AFF3: variants seen among roughly 807,000 people sequenced by gnomAD.
The protein encoded by AFF3 is AF4/FMR2 family member 3.
AFF3 carries 32 observed loss-of-function variants against 129.7 expected under a neutral mutation model. The observed-to-expected ratio is 0.25, with a 90% CI of 0.19 to 0.33. The LOEUF (loss-of-function observed/expected upper bound fraction) is 0.33. AFF3 is among the 10% of genes least tolerant of loss of function. The pLI is 1.00. For missense variants in AFF3, 1,373 were observed against 1,592.0 expected (o/e 0.86, Z 2.34); for synonymous variants, 644 against 635.4 (o/e 1.01, Z -0.20).
chr2:99,661,038 G>A lies in AFF3; in HGVS notation c.1144-11372C>T, dbSNP rs118152530. 2.3e-4 allele frequency among the ~76,000 whole-genome samples: 35 copies of A among 152,236 alleles called. 1 individual carries two copies. The East Asian group carries it at 6.4e-3, about 28-fold the overall frequency. On this transcript the variant is annotated intron_variant, in intron 12 of 24. Transcript: ENST00000672756. ...TGGACCAAACACCTGAGGGACTGTC[G>A]GTAAATCCTTTACTATATGACACTG...
chr2:99,875,322 C>T (rs957138319), intron 7 of AFF3, among the ~76,000 whole-genome samples: 3 of 152,176 alleles, frequency 2.0e-5, no homozygotes, highest in African/African-American at 7.2e-5. Context: ...TGCCTGTTAT[C>T]ACCACCTCAG....
intron 7 of AFF3, among the ~76,000 whole-genome samples, chr2:99,872,205 CTCAA>C (rs1691917334): frequency 3.1e-5 from 2 of 64,572 alleles, no homozygotes; most frequent in African/African-American, 1.5e-4. Flanking sequence ...GAGACTCCAT[CTCAA>C]AAAAAAAAAA....
chr2:99,782,165 C>T (rs1684464187), intron 8 of AFF3, among the ~76,000 whole-genome samples: 2 of 152,170 alleles, frequency 1.3e-5, no homozygotes, highest in Non-Finnish European at 2.9e-5. Flanking sequence ...GGCATGAAGA[C>T]AGTTTTCTTT....
chr2:99,652,575 T>G (rs1685361212), intron 12 of AFF3, among the ~76,000 whole-genome samples: 1 of 151,918 alleles, frequency 6.6e-6, no homozygotes, highest in Admixed American at 6.6e-5. Flanking sequence ...CCATAAGTAA[T>G]GCAGCAACAC....
intron 4 of AFF3, among the ~76,000 whole-genome samples, chr2:100,036,060 C>T (rs111843245): frequency 0.028 from 3,975 of 139,520 alleles, 77 homozygotes; most frequent in Non-Finnish European, 0.04. Context: ...GGGTGTTCAA[C>T]TCACTGAGAG....
chr2:99,885,916 A>C (rs546693886), intron 7 of AFF3, among the ~76,000 whole-genome samples: 1 of 152,310 alleles, frequency 6.6e-6, no homozygotes, highest in African/African-American at 2.4e-5. Context: ...ACATTAACCC[A>C]TAAGAGAGGC....
chr2:99,702,328 T>C (rs1256831653), intron 11 of AFF3, among the ~76,000 whole-genome samples: 1 of 152,104 alleles, frequency 6.6e-6, no homozygotes, highest in African/African-American at 2.4e-5. Flanking sequence ...CATCTCATTG[T>C]GGTTTTAATA....
intron 8 of AFF3, among the ~76,000 whole-genome samples, chr2:99,764,325 A>G (rs183326017): frequency 6.6e-6 from 1 of 152,302 alleles, no homozygotes; most frequent in East Asian, 1.9e-4. Context: ...AGAGAGGATT[A>G]GAACATTGAG....
chr2:100,095,318 C>G (rs1690195637), intron 4 of AFF3, among the ~76,000 whole-genome samples: 1 of 152,140 alleles, frequency 6.6e-6, no homozygotes. Context: ...CTCTCCTCCC[C>G]CACAATCTGA....
Position 100,034,805 on chromosome 2 carries a change from G to C in AFF3, c.54-25873C>G, listed in dbSNP as rs146441132. 3.6e-4 allele frequency among the ~76,000 whole-genome samples: 55 copies of C among 152,230 alleles called. 2 individuals are homozygous for C. In the East Asian group the frequency reaches 8.1e-3, roughly 22 times the overall value. On this transcript the variant is annotated intron_variant, in intron 4 of 24. Transcript: ENST00000672756. ...TCTAATGATCACCTAAGTTCCCCCG[G>C]TTCCATCAAGGTCACTCAAGTTCAC...
chr2:99,791,330 T>C (rs556958417), intron 8 of AFF3, among the ~76,000 whole-genome samples: 5 of 152,270 alleles, frequency 3.3e-5, no homozygotes, highest in Non-Finnish European at 5.9e-5. Flanking sequence ...TGTGTTTCCA[T>C]GTAATTCTCC....
intron 11 of AFF3, among the ~76,000 whole-genome samples, chr2:99,725,652 C>G (rs189612007): frequency 6.6e-6 from 1 of 152,228 alleles, no homozygotes; most frequent in East Asian, 1.9e-4. Flanking sequence ...TTTAGAAATA[C>G]GTAAGGGAAG....
At chr2:99,668,533 T>C (rs1686879969) in intron 12 of AFF3, among the ~76,000 whole-genome samples, 1 of 151,774 alleles carries the variant, frequency 6.6e-6, no homozygotes, top group Non-Finnish European at 1.5e-5. Context: ...AGAATTCTGC[T>C]AAATAATTAT....
chr2:100,011,128 G>T (rs1335799279), intron 4 of AFF3, among the ~76,000 whole-genome samples: 2 of 152,106 alleles, frequency 1.3e-5, no homozygotes, highest in South Asian at 2.1e-4. Context: ...CAAAAAATTA[G>T]CCAGGGGCGG....
chr2:100,126,026 A>G (rs1692174464), intron 2 of AFF3, among the ~76,000 whole-genome samples: 1 of 152,146 alleles, frequency 6.6e-6, no homozygotes, highest in Admixed American at 6.5e-5. Context: ...GATGTATGGG[A>G]TCTAATTACT....
At chr2:100,069,110 A>G (rs1015250202) in intron 4 of AFF3, among the ~76,000 whole-genome samples, 2 of 151,820 alleles carry the variant, frequency 1.3e-5, no homozygotes, top group African/African-American at 4.8e-5. Flanking sequence ...CCCTCCTCCC[A>G]ACCTCCACCC....
rs114750981 is a variant in AFF3, at chr2:100,136,285, G to A, written c.-228+6199C>T. 2.3e-3 allele frequency among the ~76,000 whole-genome samples: 343 copies of A among 152,228 alleles called. 1 individual carries two copies. Among genetic ancestry groups the A allele is most frequent in the African/African-American group, 7.6e-3 (317 of 41,526 alleles). On this transcript the variant is annotated intron_variant, in intron 1 of 24. Transcript: ENST00000672756. Reference sequence around the variant, plus strand: ...CGAATGCAGATAAAGCAGGGCCATCGGGGGACTGGGGCGCTTCACCACCCG... The same window carrying A: ...CGAATGCAGATAAAGCAGGGCCATCAGGGGACTGGGGCGCTTCACCACCCG...
At chr2:100,014,067 C>T (rs1682781489) in intron 4 of AFF3, among the ~76,000 whole-genome samples, 2 of 151,908 alleles carry the variant, frequency 1.3e-5, no homozygotes, top group African/African-American at 4.8e-5. Flanking sequence ...GGATGACCTC[C>T]TTCCCACTGC....
At chr2:100,128,047 A>G (rs1400790223) in intron 2 of AFF3, among the ~76,000 whole-genome samples, 1 of 152,106 alleles carries the variant, frequency 6.6e-6, no homozygotes, top group African/African-American at 2.4e-5. Context: ...CTACACTCCC[A>G]CCAGCACCAT....
Sources: gnomAD v4.1 joint callset for allele counts (sites outside exome capture counted in the v4.1 genomes callset) on GRCh38, gnomAD v4.1.1 for gene constraint, MANE v1.5 for transcripts, NCBI Gene and HGNC (gene_info 2026-07-23, HGNC 2026-07-21) for gene names.